The following LONRF2 variants were observed in gnomAD, a reference collection of about 807,000 sequenced individuals.
The protein encoded by LONRF2 is LON peptidase N-terminal domain and ring finger 2, also known as LON peptidase N-terminal domain and RING finger protein 2.
LONRF2 carries 35 observed loss-of-function variants against 66.6 expected under a neutral mutation model. The observed-to-expected ratio is 0.53, with a 90% CI of 0.40 to 0.70. The LOEUF (loss-of-function observed/expected upper bound fraction) is 0.70. LONRF2 is among the 30% of genes least tolerant of loss of function. LONRF2 has a pLI of 0.00. For synonymous variants in LONRF2, 417 were observed against 418.1 expected, an observed-to-expected ratio of 1.00 and a Z score of 0.03; for missense variants, 902 against 1,002.1, an observed-to-expected ratio of 0.90 and a Z score of 1.35.
In LONRF2 at chr2:100,275,370, C is replaced by T. The variant is rs1054042797; in HGVS notation, c.*8928G>A. 2.0e-5 allele frequency: 3 copies of T among 152,340 alleles called. No homozygotes were observed. The highest frequency in any genetic ancestry group is 2.1e-4 in the South Asian group (1 of 4,832). 9.4% of individuals were successfully genotyped at this position (152,340 alleles called of 1,614,324 possible). A position where few individuals can be genotyped will look rare whatever the true frequency, so the allele number is the denominator to read the frequency against. ...TTGTGTTGGATGAGAGTCTGATAAC[C>T]GAGCCAGCAACGCTGAAGTCAGTGG... On this transcript the variant is annotated 3_prime_UTR_variant, in exon 12 of 12. Transcript: ENST00000393437.
At chr2:100,310,308 C>T (rs1675384449) in intron 1 of LONRF2, among the ~76,000 whole-genome samples, 1 of 152,218 alleles carries the variant, frequency 6.6e-6, no homozygotes, top group Non-Finnish European at 1.5e-5. Flanking sequence ...TGCCCACCTA[C>T]GATCCTTGTA....
chr2:100,277,068 C>G lies in LONRF2; in HGVS notation c.*7230G>C, dbSNP rs1674616169. 6.6e-6 allele frequency: 1 copy of G among 152,236 alleles called. No homozygotes were observed. 9.4% of individuals were successfully genotyped at this position (152,236 alleles called of 1,614,324 possible). On this transcript the variant is annotated 3_prime_UTR_variant, in exon 12 of 12. Transcript: ENST00000393437. ...TCATTTACAAATTTTACTTAATCTT[C>G]TTGCTGCTGCTTACAAATCAGCTTG...
At position 100,304,419 on chromosome 2, in the gene LONRF2, T is replaced by C. The variant is rs145409402; in HGVS notation, c.799-1376A>G. Among the ~76,000 whole-genome samples the C allele has an allele frequency of 1.6e-3, 242 of 151,606 alleles. 1 individual carries two copies. Among genetic ancestry groups the C allele is most frequent in the African/African-American group, 5.6e-3 (233 of 41,312 alleles). ...AGCCTCCCAAAGCATTGGGCATACA[T>C]GCATGAACCATGAACCCAGCCAGAA... On this transcript the variant is annotated intron_variant, in intron 2 of 11. Coordinates refer to ENST00000393437, the MANE Select transcript of LONRF2 (RefSeq NM_198461.4).
At chr2:100,313,853 TG>T (rs1432024095) in intron 1 of LONRF2, among the ~76,000 whole-genome samples, 3 of 152,340 alleles carry the variant, frequency 2.0e-5, no homozygotes, top group African/African-American at 7.2e-5. Flanking sequence ...TGTACTTTTT[TG>T]TATCTGACTT....
At chr2:100,293,372 G>A (rs1675000912) in intron 9 of LONRF2, among the ~76,000 whole-genome samples, 1 of 152,174 alleles carries the variant, frequency 6.6e-6, no homozygotes, top group Non-Finnish European at 1.5e-5. Context: ...CCCTAAAAAT[G>A]CAGTCTCCTC....
Position 100,284,467 on chromosome 2 carries a change from G to C in LONRF2, c.2096C>G (p.Ser699Cys). 6.2e-7 allele frequency: 1 copy of C among 1,603,792 alleles called. No individual in the cohort carries two copies. Among genetic ancestry groups the C allele is most frequent in the Non-Finnish European group, 8.5e-7 (1 of 1,175,296 alleles). ...GGGCAGCACGGCCAGGATCCACCAG[G>C]ACCAGGCAGGGCCGCTGGGATTACT... ...PQSNPSGPAW[S>C]WWILAVLPLE... is the part of the protein sequence containing the mutation. The change falls in exon 12 of 12, where the codon TCC becomes TGC. Residue 699 changes from serine to cysteine, a missense_variant. Ser to Cys is a moderately radical substitution (Grantham distance 112, BLOSUM62 -1). Coordinates refer to ENST00000393437, the MANE Select transcript of LONRF2 (RefSeq NM_198461.4).
At chr2:100,316,564 T>C (rs1033613295) in intron 1 of LONRF2, among the ~76,000 whole-genome samples, 1 of 152,202 alleles carries the variant, frequency 6.6e-6, no homozygotes, top group Admixed American at 6.5e-5. Context: ...AATCTTTTAA[T>C]ATTTATTACG....
intron 7 of LONRF2, among the ~76,000 whole-genome samples, chr2:100,298,532 C>A (rs576634721): frequency 1.6e-4 from 25 of 152,320 alleles, no homozygotes; most frequent in Middle Eastern, 6.8e-3. Context: ...ACATTAAGTG[C>A]ACCATGACAA....
intron 1 of LONRF2, among the ~76,000 whole-genome samples, chr2:100,311,119 C>T (rs908086002): frequency 1.3e-5 from 2 of 152,234 alleles, no homozygotes; most frequent in East Asian, 3.9e-4. Context: ...ATTTTAATTG[C>T]TGGGAAGACA....
In LONRF2 at chr2:100,321,575, C is replaced by T. The variant is rs1182972933; in HGVS notation, c.519G>A (p.Arg173=). ...CKRCVEPGPA[R]PQVRRVNVVL... ...CCACGTTCACGCGCCGCACCTGCGG[C>T]CGCGCGGGCCCTGGCTCCACGCAGC... Residue 173 remains arginine, a synonymous_variant, in exon 1 of 12, where the codon CGG becomes CGA. Coordinates refer to ENST00000393437, the MANE Select transcript of LONRF2 (RefSeq NM_198461.4). 1.3e-6 allele frequency: 2 copies of T among 1,532,912 alleles called. No homozygotes were observed. The highest frequency in any genetic ancestry group is 1.2e-5 in the South Asian group (1 of 83,956). 95.0% of individuals were successfully genotyped at this position (1,532,912 alleles called of 1,614,324 possible).
chr2:100,285,405 T>A (rs1466064014), intron 11 of LONRF2, among the ~76,000 whole-genome samples: 1 of 152,174 alleles, frequency 6.6e-6, no homozygotes, highest in African/African-American at 2.4e-5. Flanking sequence ...TTTCCCTGCC[T>A]CATCTCACAG....
In LONRF2 at chr2:100,300,021, G is replaced by GC. The variant is rs900424856; in HGVS notation, c.1066-104_1066-103insG. On this transcript the variant is annotated intron_variant, in intron 4 of 11. Coordinates refer to ENST00000393437, the MANE Select transcript of LONRF2 (RefSeq NM_198461.4). ...ACTAGAAATCTTTGGAAAAAAAAAG[G>GC]GGGGGGCATACACTCTTCTTCATAA... The GC allele has an allele frequency of 2.4e-5, 14 of 581,472 alleles. 1 individual carries two copies. Among genetic ancestry groups the GC allele is most frequent in the East Asian group, 7.1e-5 (2 of 28,280 alleles). 36.0% of individuals were successfully genotyped at this position (581,472 alleles called of 1,614,324 possible).
chr2:100,304,672 G>T (rs1288097500), intron 2 of LONRF2, among the ~76,000 whole-genome samples: 1 of 140,348 alleles, frequency 7.1e-6, no homozygotes, highest in Non-Finnish European at 1.5e-5. Context: ...CGTCCAGGCT[G>T]GCGTGCAGTG....
At chr2:100,301,093 A>T (rs1270777996) in intron 3 of LONRF2, among the ~76,000 whole-genome samples, 1 of 152,180 alleles carries the variant, frequency 6.6e-6, no homozygotes, top group African/African-American at 2.4e-5. Context: ...ACACAGATAA[A>T]AGAGAAAGGG....
intron 1 of LONRF2, among the ~76,000 whole-genome samples, chr2:100,320,342 A>G (rs1675595280): frequency 6.6e-6 from 1 of 152,222 alleles, no homozygotes; most frequent in African/African-American, 2.4e-5. Flanking sequence ...TGCAAAAACT[A>G]CAGAATACTC....
chr2:100,298,162 A>C (rs1675110529), intron 7 of LONRF2, among the ~76,000 whole-genome samples: 1 of 152,224 alleles, frequency 6.6e-6, no homozygotes, highest in Non-Finnish European at 1.5e-5. Context: ...TAATAGGACC[A>C]CAGCCCAATA....
At chr2:100,292,854 A>G (rs1382603035) in intron 9 of LONRF2, among the ~76,000 whole-genome samples, 1 of 152,104 alleles carries the variant, frequency 6.6e-6, no homozygotes, top group Non-Finnish European at 1.5e-5. Context: ...TATTTATGGC[A>G]TAAGGTAAAG....
In LONRF2 at chr2:100,276,065, TA is replaced by T. The variant is rs1674595907; in HGVS notation, c.*8232del. On this transcript the variant is annotated 3_prime_UTR_variant, in exon 12 of 12. Transcript: ENST00000393437. ...AATTAGAAATCCAACGCTTATACAC[TA>T]AAAATGTATACAACAAATTATATAC... is the stretch of plus-strand genomic sequence containing the variant. 1 of 152,160 alleles carries T rather than the reference TA, an allele frequency of 6.6e-6. No individual in the cohort carries two copies. Among genetic ancestry groups the T allele is most frequent in the African/African-American group, 2.4e-5 (1 of 41,436 alleles). 9.4% of individuals were successfully genotyped at this position (152,160 alleles called of 1,614,324 possible). A position where few individuals can be genotyped will look rare whatever the true frequency, so the allele number is the denominator to read the frequency against.
chr2:100,315,652 A>G (rs1675491600), intron 1 of LONRF2, among the ~76,000 whole-genome samples: 1 of 152,220 alleles, frequency 6.6e-6, no homozygotes, highest in African/African-American at 2.4e-5. Context: ...ATGGTGAATT[A>G]CATTGCTTGA....
Sources: allele counts gnomAD v4.1 joint callset (sites outside exome capture counted in the v4.1 genomes callset), GRCh38; gene constraint gnomAD v4.1.1; transcripts MANE v1.5; gene names NCBI Gene and HGNC (gene_info 2026-07-23, HGNC 2026-07-21).